SPTLC2: variants seen among roughly 807,000 people sequenced by gnomAD.
SPTLC2 encodes serine palmitoyltransferase long chain base subunit 2, also known as serine palmitoyltransferase 2.
SPTLC2 carries 21 observed loss-of-function variants against 62.0 expected under a neutral mutation model. The observed-to-expected ratio is 0.34, with a 90% CI of 0.24 to 0.49. SPTLC2 has a LOEUF of 0.49. SPTLC2 is among the 20% of genes least tolerant of loss of function. The pLI, the probability that SPTLC2 is intolerant of heterozygous loss-of-function variation, is 0.99. For synonymous variants in SPTLC2, 261 were observed against 261.8 expected, an observed-to-expected ratio of 1.00 and a Z score of 0.03; for missense variants, 511 against 713.0, an observed-to-expected ratio of 0.72 and a Z score of 3.23.
intron 11 of SPTLC2, among the ~76,000 whole-genome samples, chr14:77,515,280 T>A (rs752872065): frequency 1.3e-5 from 2 of 152,222 alleles, no homozygotes; most frequent in Non-Finnish European, 2.9e-5. Flanking sequence ...CATTTGAGGA[T>A]CAGCCTTTTA....
At chr14:77,593,688 C>T (rs2364603) in intron 2 of SPTLC2, among the ~76,000 whole-genome samples, 137,924 of 152,222 alleles carry the variant, frequency 0.91, 62,578 homozygotes, top group East Asian at 1. Flanking sequence ...AGAATTAACA[C>T]AGTTAAACTG....
intron 2 of SPTLC2, among the ~76,000 whole-genome samples, chr14:77,592,141 C>CT (rs913202292): frequency 8.0e-4 from 115 of 143,368 alleles, no homozygotes; most frequent in African/African-American, 2.2e-3. Flanking sequence ...TAGTACGCTA[C>CT]TTTTTTTTTT....
intron 6 of SPTLC2, among the ~76,000 whole-genome samples, chr14:77,559,424 A>G (rs2079602961): frequency 6.6e-6 from 1 of 152,222 alleles, no homozygotes; most frequent in African/African-American, 2.4e-5. Flanking sequence ...CATAAATTTA[A>G]ATAAAAAATA....
intron 9 of SPTLC2, among the ~76,000 whole-genome samples, chr14:77,534,161 CTCTT>C (rs1223971788): frequency 6.5e-4 from 73 of 112,878 alleles, no homozygotes; most frequent in Non-Finnish European, 1.0e-3. Flanking sequence ...CTGTCTCTCT[CTCTT>C]TCTCTCTCTC....
intron 9 of SPTLC2, among the ~76,000 whole-genome samples, chr14:77,545,531 A>C (rs550242984): frequency 1.0e-3 from 154 of 152,280 alleles, no homozygotes; most frequent in Middle Eastern, 3.4e-3. Context: ...AGCTTCCCAA[A>C]GTGCTGGGAT....
intron 9 of SPTLC2, among the ~76,000 whole-genome samples, chr14:77,546,428 A>G (rs1299990557): frequency 6.6e-6 from 1 of 152,248 alleles, no homozygotes; most frequent in African/African-American, 2.4e-5. Context: ...AGAAATCTAA[A>G]ATATGAGTTT....
intron 5 of SPTLC2, among the ~76,000 whole-genome samples, chr14:77,569,011 C>T (rs2079662437): frequency 1.3e-5 from 2 of 152,304 alleles, no homozygotes; most frequent in South Asian, 4.1e-4. Flanking sequence ...ATAACTCCCA[C>T]ATGCTTAGCG....
In SPTLC2 at chr14:77,614,709, G is replaced by A. The variant is rs189270396; in HGVS notation, c.132+1739C>T. ...AAAAAATCATACCTCGGCCTGGTGC[G>A]CCTGTAATCCCAGCACTTTTGGAGG... is the stretch of plus-strand genomic sequence containing the variant. On this transcript the variant is annotated intron_variant, in intron 1 of 11. Transcript: ENST00000216484. 4.6e-3 allele frequency among the ~76,000 whole-genome samples: 689 copies of A among 149,274 alleles called. 1 individual carries two copies. Among genetic ancestry groups the A allele is most frequent in the South Asian group, 0.022 (104 of 4,710 alleles).
At chr14:77,607,199 T>C (rs938808355) in intron 1 of SPTLC2, among the ~76,000 whole-genome samples, 2 of 152,182 alleles carry the variant, frequency 1.3e-5, no homozygotes, top group African/African-American at 2.4e-5. Flanking sequence ...TACAAAGTAA[T>C]AAGCATTTCT....
At chr14:77,555,581 T>G (rs2079578872) in intron 7 of SPTLC2, 62 bp from the exon 8 acceptor site, 1 of 1,511,740 alleles carries the variant, frequency 6.6e-7, no homozygotes, top group Non-Finnish European at 9.1e-7. Flanking sequence ...AAATCAAAAT[T>G]GGGAGTTTGG....
intron 10 of SPTLC2, among the ~76,000 whole-genome samples, chr14:77,519,916 A>T (rs1174186411): frequency 2.6e-5 from 4 of 151,754 alleles, no homozygotes; most frequent in Non-Finnish European, 5.9e-5. Context: ...TAAATGCACA[A>T]ATTTATTTTT....
chr14:77,615,370 A>G (rs1393499470), intron 1 of SPTLC2, among the ~76,000 whole-genome samples: 1 of 152,242 alleles, frequency 6.6e-6, no homozygotes, highest in East Asian at 1.9e-4. Context: ...CCTATCCATC[A>G]TAACTACTCA....
At chr14:77,566,659 A>T (rs1334913243) in intron 5 of SPTLC2, among the ~76,000 whole-genome samples, 1 of 152,072 alleles carries the variant, frequency 6.6e-6, no homozygotes, top group East Asian at 1.9e-4. Flanking sequence ...ACGGGGTTTC[A>T]CCGTGTTAGC....
At chr14:77,559,362 T>C (rs1010239796) in intron 6 of SPTLC2, among the ~76,000 whole-genome samples, 3 of 152,008 alleles carry the variant, frequency 2.0e-5, no homozygotes, top group African/African-American at 7.2e-5. Flanking sequence ...AACCATATTA[T>C]CTACTTAGAA....
chr14:77,605,605 C>T (rs1383923098), intron 1 of SPTLC2, among the ~76,000 whole-genome samples: 5 of 152,116 alleles, frequency 3.3e-5, no homozygotes, highest in African/African-American at 9.7e-5. Flanking sequence ...AGAGCTTTAG[C>T]GTGAGTGATG....
chr14:77,587,925 TTTG>T (rs36088012), intron 2 of SPTLC2, among the ~76,000 whole-genome samples: 3 of 151,084 alleles, frequency 2.0e-5, no homozygotes, highest in Non-Finnish European at 2.9e-5. Flanking sequence ...TTGGGCAACA[TTTG>T]TTGTTGTTGT....
At chr14:77,579,158 A>C (rs1274309390) in intron 2 of SPTLC2, 49 bp from the exon 3 acceptor site, 1 of 1,597,560 alleles carries the variant, frequency 6.3e-7, no homozygotes, top group Admixed American at 1.7e-5. Context: ...TTACTTTATT[A>C]AAAAATTTTT....
chr14:77,590,474 GCC>G (rs1291064084), intron 2 of SPTLC2, among the ~76,000 whole-genome samples: 4 of 152,198 alleles, frequency 2.6e-5, no homozygotes, highest in Non-Finnish European at 5.9e-5. Flanking sequence ...ACTTTGGGAG[GCC>G]GAGGTGGGCA....
At chr14:77,559,192 G>A (rs1322435420) in intron 6 of SPTLC2, among the ~76,000 whole-genome samples, 1 of 152,022 alleles carries the variant, frequency 6.6e-6, no homozygotes, top group Non-Finnish European at 1.5e-5. Flanking sequence ...TTGTGGTGGT[G>A]GGCACCTGTA....
Sources: allele counts gnomAD v4.1 joint callset (sites outside exome capture counted in the v4.1 genomes callset), GRCh38; gene constraint gnomAD v4.1.1; transcripts MANE v1.5; gene names NCBI Gene and HGNC (gene_info 2026-07-23, HGNC 2026-07-21).